SNTB2: variants seen among roughly 807,000 people sequenced by gnomAD.
The protein encoded by SNTB2 is syntrophin beta 2.
A neutral mutation model predicts 46.2 loss-of-function variants in SNTB2; 34 were observed. That is an observed-to-expected ratio of 0.74 (90% CI 0.56 to 0.98). The LOEUF (loss-of-function observed/expected upper bound fraction) is 0.98. SNTB2 is among the 50% of genes least tolerant of loss of function. The probability of loss-of-function intolerance (pLI) is 0.00; values close to 1 mark genes in which losing one functional copy is unlikely to be tolerated. For synonymous variants in SNTB2, 290 were observed against 312.6 expected (o/e 0.93, Z 0.76); for missense variants, 603 against 731.4 (o/e 0.82, Z 2.02).
chr16:69,235,657 CA>C (rs1174762342), intron 1 of SNTB2: 7 of 1,211,070 alleles, frequency 5.8e-6, no homozygotes, highest in Non-Finnish European at 7.4e-6. Flanking sequence ...GAAAACAAAA[CA>C]AAAAACCCTG....
chr16:69,219,718 A>ATTTTG (rs60116168), intron 1 of SNTB2, among the ~76,000 whole-genome samples: 23,884 of 140,768 alleles, frequency 0.17, 2,027 homozygotes, highest in Middle Eastern at 0.3. Context: ...ATTTTATTTT[A>ATTTTG]TTTTGTTTTG....
At chr16:69,212,228 T>A (rs1964295455) in intron 1 of SNTB2, among the ~76,000 whole-genome samples, 1 of 152,158 alleles carries the variant, frequency 6.6e-6, no homozygotes, top group Non-Finnish European at 1.5e-5. Flanking sequence ...CTGGGACTCT[T>A]CTACTTGTCT....
At chr16:69,233,726 A>C (rs183360089) in intron 1 of SNTB2, among the ~76,000 whole-genome samples, 26 of 152,240 alleles carry the variant, frequency 1.7e-4, no homozygotes, top group Admixed American at 1.6e-3. Context: ...TAATCCCAGC[A>C]CTTTGGGAGG....
At chr16:69,197,601 A>G (rs1567394449) in intron 1 of SNTB2, among the ~76,000 whole-genome samples, 2 of 152,126 alleles carry the variant, frequency 1.3e-5, no homozygotes, top group African/African-American at 4.8e-5. Flanking sequence ...TACTGCTTTT[A>G]CTTTTGATAT....
At chr16:69,187,877 G>C (rs1964009885) in intron 1 of SNTB2, 131 bp downstream of exon 1, 3 of 754,542 alleles carry the variant, frequency 4.0e-6, no homozygotes, top group South Asian at 4.8e-5. Flanking sequence ...GGTTTCTGGA[G>C]CTTTCAGTGT....
intron 2 of SNTB2, among the ~76,000 whole-genome samples, chr16:69,253,918 G>A (rs1381396289): frequency 6.6e-6 from 1 of 152,116 alleles, no homozygotes; most frequent in African/African-American, 2.4e-5. Flanking sequence ...ACTTTCAGAA[G>A]GTGAACATTC....
chr16:69,219,640 T>C (rs1964380709), intron 1 of SNTB2, among the ~76,000 whole-genome samples: 1 of 152,212 alleles, frequency 6.6e-6, no homozygotes, highest in South Asian at 2.1e-4. Context: ...ATTTAAAAAG[T>C]CCGTCTCATT....
At chr16:69,278,392 T>G (rs763976118) in intron 4 of SNTB2, among the ~76,000 whole-genome samples, 13 of 151,828 alleles carry the variant, frequency 8.6e-5, no homozygotes, top group Non-Finnish European at 1.6e-4. Flanking sequence ...AATAGTTTCA[T>G]GACCTTAAGG....
At position 69,187,180 on chromosome 16, in the gene SNTB2, C is replaced by T. The variant is rs1324421947; in HGVS notation, c.14C>T (p.Ala5Val). 2 of 1,371,236 alleles carry T rather than the reference C, an allele frequency of 1.5e-6. No individual in the cohort carries two copies. The highest frequency in any genetic ancestry group is 2.9e-5 in the East Asian group (1 of 34,670). 84.9% of individuals were successfully genotyped at this position (1,371,236 alleles called of 1,614,324 possible). A position where few individuals can be genotyped will look rare whatever the true frequency, so the allele number is the denominator to read the frequency against. Residue 5 changes from alanine (A) to valine (V), a missense_variant, in exon 1 of 7, where the codon GCG becomes GTG. Coordinates refer to ENST00000336278, the MANE Select transcript of SNTB2 (RefSeq NM_006750.4). ...TGCCTGACTGGAATGAGGGTAGCTG[C>T]GGCGACTGCGGCGGCTGGAGCGGGG... MRVAAATAAAGAGPA... is the reference protein window; with the variant it reads MRVAVATAAAGAGPA...
At position 69,229,825 on chromosome 16, in the gene SNTB2, G is replaced by A. The variant is rs1964490027; in HGVS notation, c.581-15777G>A. Among the ~76,000 whole-genome samples, 3 of 143,132 alleles carry A rather than the reference G, an allele frequency of 2.1e-5. No homozygotes were observed. The Admixed American group carries it at 2.2e-4, about 10-fold the overall frequency. The allele number at this position is 143,132 out of a possible 152,430, so 93.9% of individuals were successfully genotyped here. A position where few individuals can be genotyped will look rare whatever the true frequency, so the allele number is the denominator to read the frequency against. Reference sequence around the variant, plus strand: ...CCACTGCACTCCAGCCTGGGTGACAGGAGCAAGACCCTGTCTCAAAAAAAA... The same window carrying A: ...CCACTGCACTCCAGCCTGGGTGACAAGAGCAAGACCCTGTCTCAAAAAAAA... On this transcript the variant is annotated intron_variant, in intron 1 of 6. Coordinates refer to ENST00000336278, the MANE Select transcript of SNTB2 (RefSeq NM_006750.4).
intron 4 of SNTB2, among the ~76,000 whole-genome samples, chr16:69,271,181 T>C (rs1476027816): frequency 1.3e-5 from 2 of 152,140 alleles, no homozygotes; most frequent in Non-Finnish European, 2.9e-5. Context: ...TTATTCTTTT[T>C]ATAAAAAATA....
Position 69,298,512 on chromosome 16 carries a change from CTTTTTTTT to C in SNTB2, c.1346-1059_1346-1052del, listed in dbSNP as rs34908270. Among the ~76,000 whole-genome samples, 55 of 78,126 alleles carry C rather than the reference CTTTTTTTT, an allele frequency of 7.0e-4. No individual in the cohort carries two copies. In the South Asian group the frequency reaches 0.018, roughly 26 times the overall value. 51.3% of individuals were successfully genotyped at this position (78,126 alleles called of 152,430 possible). ...CCCTGCCTGTCCAGTTTTACCAATT[CTTTTTTTT>C]TTTTTTTTTTTTTTTTTTGAGACAG... is the stretch of plus-strand genomic sequence containing the variant. On this transcript the variant is annotated intron_variant, in intron 5 of 6. Coordinates refer to ENST00000336278, the MANE Select transcript of SNTB2 (RefSeq NM_006750.4).
chr16:69,206,245 CT>C (rs1201002612), intron 1 of SNTB2, among the ~76,000 whole-genome samples: 1 of 152,200 alleles, frequency 6.6e-6, no homozygotes, highest in African/African-American at 2.4e-5. Context: ...AGTGATCCTT[CT>C]GCCTCAGCCT....
chr16:69,277,635 C>T (rs1210161654), intron 4 of SNTB2, among the ~76,000 whole-genome samples: 6 of 152,152 alleles, frequency 3.9e-5, no homozygotes, highest in Admixed American at 3.9e-4. Flanking sequence ...ATACTCTTCC[C>T]TTTTCCAACT....
intron 2 of SNTB2, 131 bp from the exon 3 acceptor site, chr16:69,259,919 T>C (rs1307194110): frequency 2.6e-6 from 2 of 773,462 alleles, no homozygotes; most frequent in Non-Finnish European, 4.3e-6. Context: ...CAAGAAAGTA[T>C]CTTTATTTGA....
Position 69,187,349 on chromosome 16 carries a change from C to A in SNTB2, c.183C>A (p.Pro61=). Residue 61 remains proline (P), a synonymous_variant, in exon 1 of 7, where the codon CCC becomes CCA. Coordinates refer to ENST00000336278, the MANE Select transcript of SNTB2 (RefSeq NM_006750.4). ...TGDAAAAELE[P]ALGPAAAAFN... ...ACGCCGCCGCGGCCGAGCTGGAGCC[C>A]GCTCTGGGACCCGCGGCCGCCGCCT... The A allele has an allele frequency of 1.4e-6, 2 of 1,416,770 alleles. No homozygotes were observed. The highest frequency in any genetic ancestry group is 1.8e-6 in the Non-Finnish European group (2 of 1,084,886). The allele number at this position is 1,416,770 out of a possible 1,614,324, so 87.8% of individuals were successfully genotyped here. A position where few individuals can be genotyped will look rare whatever the true frequency, so the allele number is the denominator to read the frequency against.
intron 2 of SNTB2, among the ~76,000 whole-genome samples, chr16:69,258,901 C>T (rs1170713918): frequency 6.6e-6 from 1 of 152,094 alleles, no homozygotes. Context: ...GCGTGAGCCA[C>T]CATGCCTGGC....
chr16:69,209,904 A>C (rs1964262110), intron 1 of SNTB2, among the ~76,000 whole-genome samples: 1 of 152,158 alleles, frequency 6.6e-6, no homozygotes, highest in Admixed American at 6.5e-5. Flanking sequence ...CCCATTCAAA[A>C]TGCTAAAAGT....
intron 5 of SNTB2, 22 bp from the exon 6 acceptor site, chr16:69,299,568 G>A (rs1160483998): frequency 2.5e-6 from 4 of 1,607,978 alleles, no homozygotes. Flanking sequence ...TACAACTAAT[G>A]TTTTTTGCTT....
Sources: allele counts gnomAD v4.1 joint callset (sites outside exome capture counted in the v4.1 genomes callset), GRCh38; gene constraint gnomAD v4.1.1; transcripts MANE v1.5; gene names NCBI Gene and HGNC (gene_info 2026-07-23, HGNC 2026-07-21).